INPP4B: variants seen among roughly 807,000 people sequenced by gnomAD.
The protein encoded by INPP4B is inositol polyphosphate 4-phosphatase type II.
A neutral mutation model predicts 122.5 loss-of-function variants in INPP4B; 55 were observed. The ratio of observed to expected loss-of-function variants is 0.45; its 90% CI spans 0.36 to 0.56. INPP4B has a LOEUF of 0.56. Among genes scored for constraint, INPP4B ranks in the 20% least tolerant of loss-of-function variants. The pLI, the probability that INPP4B is intolerant of heterozygous loss-of-function variation, is 0.00. For missense variants in INPP4B, 1,000 were observed against 1,097.7 expected (o/e 0.91, Z 1.26); for synonymous variants, 403 against 388.7 (o/e 1.04, Z -0.43).
chr4:142,662,623 C>A (rs1285358263), intron 2 of INPP4B, among the ~76,000 whole-genome samples: 1 of 152,088 alleles, frequency 6.6e-6, no homozygotes, highest in Admixed American at 6.5e-5. Context: ...GCAGATAGAT[C>A]TGAGATGGAG....
chr4:142,735,969 C>CACA (rs1766819725), intron 1 of INPP4B, among the ~76,000 whole-genome samples: 1 of 118,540 alleles, frequency 8.4e-6, no homozygotes, highest in South Asian at 3.1e-4. Flanking sequence ...ACACACACAT[C>CACA]CACCACTATT....
At chr4:142,661,294 T>C (rs116266946) in intron 2 of INPP4B, among the ~76,000 whole-genome samples, 1,757 of 152,298 alleles carry the variant, frequency 0.012, 31 homozygotes, top group African/African-American at 0.032. Context: ...TTTACATTTA[T>C]CAATAAGAAC....
chr4:142,645,799 A>G (rs1025142909), intron 2 of INPP4B, among the ~76,000 whole-genome samples: 12 of 152,190 alleles, frequency 7.9e-5, no homozygotes, highest in Non-Finnish European at 1.6e-4. Context: ...TTTCCCCCCA[A>G]AATGGAACCT....
At chr4:142,523,425 C>T (rs1439317882) in intron 2 of INPP4B, among the ~76,000 whole-genome samples, 1 of 152,056 alleles carries the variant, frequency 6.6e-6, no homozygotes, top group East Asian at 1.9e-4. Context: ...GGCTGAAATT[C>T]TTCTTTTCTG....
intron 10 of INPP4B, among the ~76,000 whole-genome samples, chr4:142,261,645 T>C (rs534237268): frequency 6.6e-6 from 1 of 152,246 alleles, no homozygotes; most frequent in Non-Finnish European, 1.5e-5. Flanking sequence ...ATTTCCCCAC[T>C]GTTCTGTCTC....
chr4:142,383,710 CAT>C (rs1476417890), intron 7 of INPP4B: 3 of 188,018 alleles, frequency 1.6e-5, no homozygotes, highest in Non-Finnish European at 3.3e-5. Context: ...TGTTTTTGGA[CAT>C]GTGTAGTAAT....
chr4:142,428,262 T>A (rs1240336142), intron 5 of INPP4B, among the ~76,000 whole-genome samples: 1 of 151,150 alleles, frequency 6.6e-6, no homozygotes, highest in African/African-American at 2.4e-5. Context: ...TATCTCAATT[T>A]GCTCCCAAAA....
intron 25 of INPP4B, among the ~76,000 whole-genome samples, chr4:142,070,171 G>C (rs879064320): frequency 6.6e-6 from 1 of 152,250 alleles, no homozygotes; most frequent in African/African-American, 2.4e-5. Flanking sequence ...GGGATGCAAG[G>C]CTGGTTCAAC....
chr4:142,726,149 G>C (rs1418031788), intron 1 of INPP4B, among the ~76,000 whole-genome samples: 1 of 150,866 alleles, frequency 6.6e-6, no homozygotes, highest in African/African-American at 2.5e-5. Context: ...TGTTTTCTTT[G>C]CTTCTCTTTC....
chr4:142,096,110 T>C (rs964029921), intron 23 of INPP4B: 6 of 152,226 alleles, frequency 3.9e-5, no homozygotes, highest in Admixed American at 6.5e-5. Context: ...ATTGAATTTA[T>C]GTCTTTTGAT....
At chr4:142,293,040 C>CT (rs367850143) in intron 9 of INPP4B, among the ~76,000 whole-genome samples, 107,911 of 145,908 alleles carry the variant, frequency 0.74, 40,820 homozygotes, top group East Asian at 0.92. Context: ...TTTTTATACC[C>CT]TTTTTTTTTT....
At chr4:142,615,430 T>C (rs979194) in intron 2 of INPP4B, among the ~76,000 whole-genome samples, 98,059 of 151,932 alleles carry the variant, frequency 0.65, 33,190 homozygotes, top group East Asian at 0.81. Flanking sequence ...AAGCTTTGTC[T>C]ACAAATTTGG....
intron 25 of INPP4B, among the ~76,000 whole-genome samples, chr4:142,046,931 G>A (rs185796389): frequency 1.3e-5 from 2 of 152,158 alleles, no homozygotes; most frequent in East Asian, 3.9e-4. Context: ...CACCTTACAA[G>A]GCTTATAGAC....
At position 142,384,238 on chromosome 4, in the gene INPP4B, CAATT is replaced by C. The variant is rs775094153; in HGVS notation, c.372+18696_372+18699del. 11 of 646,342 alleles carry C rather than the reference CAATT, an allele frequency of 1.7e-5. No homozygotes were observed. In the East Asian group the frequency reaches 1.9e-4, roughly 11 times the overall value. The allele number at this position is 646,342 out of a possible 1,614,324, so 40.0% of individuals were successfully genotyped here. Reference sequence around the variant, plus strand: ...ACCTTAGAAAAAACAGGTATTAACTCAATTAGTTAGTAACAACTTCACTAAATTA... The same window carrying C: ...ACCTTAGAAAAAACAGGTATTAACTCAGTTAGTAACAACTTCACTAAATTA... On this transcript the variant is annotated intron_variant, in intron 7 of 25. Coordinates refer to ENST00000262992, the MANE Select transcript of INPP4B (RefSeq NM_001101669.3).
intron 2 of INPP4B, among the ~76,000 whole-genome samples, chr4:142,673,517 G>T (rs886660141): frequency 1.3e-5 from 2 of 151,978 alleles, no homozygotes; most frequent in Non-Finnish European, 2.9e-5. Flanking sequence ...ATGATCCCTT[G>T]GGTATTTCCT....
At chr4:142,671,135 A>G (rs1756930517) in intron 2 of INPP4B, among the ~76,000 whole-genome samples, 1 of 152,092 alleles carries the variant, frequency 6.6e-6, no homozygotes, top group African/African-American at 2.4e-5. Flanking sequence ...TAAAAACACC[A>G]AAGTTTTGGG....
chr4:142,697,249 A>C (rs1761156015), intron 2 of INPP4B, among the ~76,000 whole-genome samples: 1 of 152,102 alleles, frequency 6.6e-6, no homozygotes, highest in Non-Finnish European at 1.5e-5. Context: ...AACAACCTCT[A>C]TATCATTCTC....
chr4:142,029,915 A>G, intron 25 of INPP4B: 1 of 1,235,662 alleles, frequency 8.1e-7, no homozygotes, highest in East Asian at 3.3e-5. Context: ...GCTAGTTAAC[A>G]GTGGGAAACA....
At chr4:142,758,553 A>C (rs1770835967) in intron 1 of INPP4B, among the ~76,000 whole-genome samples, 1 of 152,190 alleles carries the variant, frequency 6.6e-6, no homozygotes, top group Non-Finnish European at 1.5e-5. Context: ...CAGGGAGTGG[A>C]CTAGAAAACC....
Sources: gnomAD v4.1 joint callset for allele counts (sites outside exome capture counted in the v4.1 genomes callset) on GRCh38, gnomAD v4.1.1 for gene constraint, MANE v1.5 for transcripts, NCBI Gene and HGNC (gene_info 2026-07-23, HGNC 2026-07-21) for gene names.